The following SRPX variants were observed in gnomAD, a reference collection of about 807,000 sequenced individuals.
SRPX encodes the protein sushi repeat containing protein X-linked.
In SRPX, 24 loss-of-function variants were observed where a neutral mutation model predicts 38.1. The ratio of observed to expected loss-of-function variants is 0.63; its 90% CI spans 0.46 to 0.89. The LOEUF (loss-of-function observed/expected upper bound fraction) is 0.89. SRPX is among the 40% of genes least tolerant of loss of function. The pLI, the probability that SRPX is intolerant of heterozygous loss-of-function variation, is 0.00. For missense variants in SRPX, 416 were observed against 377.8 expected, an observed-to-expected ratio of 1.10 and a Z score of -0.84; for synonymous variants, 184 against 153.8, an observed-to-expected ratio of 1.20 and a Z score of -1.45.
chrX:38,178,213 G>T, intron 2 of SRPX, 72 bp downstream of exon 2: 1 of 863,880 alleles, frequency 1.2e-6, no homozygotes, highest in Non-Finnish European at 1.7e-6. Flanking sequence ...ATTACAATCT[G>T]TTTCACAAGG....
At chrX:38,209,898 G>GT (rs1000846936) in intron 1 of SRPX, among the ~76,000 whole-genome samples, 2 of 111,515 alleles carry the variant, frequency 1.8e-5, no homozygotes, top group African/African-American at 6.5e-5. Context: ...AAAGGTTGGG[G>GT]TTTTTTTTCT....
chrX:38,219,767 C>T (rs1014237461), intron 1 of SRPX, among the ~76,000 whole-genome samples: 1 of 111,618 alleles, frequency 9.0e-6, no homozygotes, highest in Non-Finnish European at 1.9e-5. Context: ...AATATTTGCA[C>T]GCCCTATAGC....
rs1008501503 is a variant in SRPX at position 38,185,175 on chromosome X, G to T, written c.98-6831C>A. ...TATATGATTTGGAATTGGTAAAAAT[G>T]TTGGAGAAAAAAGAGAAAAATCTGC... On this transcript the variant is annotated intron_variant, in intron 1 of 9. Transcript: ENST00000378533. 3.6e-5 allele frequency among the ~76,000 whole-genome samples: 4 copies of T among 111,878 alleles called. No homozygotes were observed. The East Asian group carries it at 1.1e-3, about 31-fold the overall frequency.
At chrX:38,157,114 G>A (rs770891304) in intron 7 of SRPX, 85 bp from the exon 8 acceptor site, 4 of 1,075,798 alleles carry the variant, frequency 3.7e-6, no homozygotes, top group Non-Finnish European at 5.0e-6. Context: ...AGAACCATTT[G>A]TGTAAGAAGT....
chrX:38,205,158 C>A (rs187192767), intron 1 of SRPX, among the ~76,000 whole-genome samples: 2 of 112,230 alleles, frequency 1.8e-5, no homozygotes, highest in Non-Finnish European at 3.8e-5. Flanking sequence ...GGCTAGTCAG[C>A]CCTCTACAAG....
chrX:38,173,352 GCTT>G (rs1938510114), intron 3 of SRPX, among the ~76,000 whole-genome samples: 1 of 112,073 alleles, frequency 8.9e-6, no homozygotes, highest in Non-Finnish European at 1.9e-5. Flanking sequence ...GCTCCTCTAA[GCTT>G]CTCCCTTGAG....
chrX:38,191,161 C>G (rs1046602984), intron 1 of SRPX, among the ~76,000 whole-genome samples: 4 of 111,829 alleles, frequency 3.6e-5, no homozygotes, highest in African/African-American at 1.3e-4. Context: ...GATGATAAGC[C>G]CATCCTTTCT....
intron 1 of SRPX, among the ~76,000 whole-genome samples, chrX:38,191,129 G>A (rs1289347664): frequency 8.9e-6 from 1 of 112,047 alleles, no homozygotes; most frequent in Non-Finnish European, 1.9e-5. Flanking sequence ...GGCCCCACAA[G>A]CATACCTCTG....
intron 1 of SRPX, among the ~76,000 whole-genome samples, chrX:38,214,052 T>C (rs1226354331): frequency 9.0e-6 from 1 of 111,708 alleles, no homozygotes; most frequent in African/African-American, 3.3e-5. Context: ...CCATTCATTC[T>C]TGCCTGCCTA....
intron 1 of SRPX, among the ~76,000 whole-genome samples, chrX:38,191,720 CAG>C (rs1227143723): frequency 8.9e-6 from 1 of 111,761 alleles, no homozygotes; most frequent in African/African-American, 3.3e-5. Context: ...TGACGACTGA[CAG>C]AGTTTTGGAG....
At chrX:38,173,929 A>T (rs941340265) in intron 3 of SRPX, among the ~76,000 whole-genome samples, 1 of 111,890 alleles carries the variant, frequency 8.9e-6, no homozygotes, top group Non-Finnish European at 1.9e-5. Context: ...AACAAATGTA[A>T]CTCATTTTCT....
chrX:38,215,702 A>C (rs6611235), intron 1 of SRPX, among the ~76,000 whole-genome samples: 42,123 of 111,117 alleles, frequency 0.38, 6,073 homozygotes, highest in East Asian at 0.48. Context: ...TACTTCAATC[A>C]ATTAATCCAC....
intron 4 of SRPX, among the ~76,000 whole-genome samples, chrX:38,168,361 G>A (rs889223343): frequency 9.0e-6 from 1 of 111,333 alleles, no homozygotes; most frequent in African/African-American, 3.3e-5. Flanking sequence ...AAGAGACTCA[G>A]CCAGACCCCA....
chrX:38,155,301 G>A (rs1420423544), intron 8 of SRPX, among the ~76,000 whole-genome samples: 2 of 112,414 alleles, frequency 1.8e-5, no homozygotes, highest in African/African-American at 6.5e-5. Flanking sequence ...ATAGACTTTT[G>A]TATTACTCTC....
intron 2 of SRPX, among the ~76,000 whole-genome samples, chrX:38,175,197 C>A (rs1938547306): frequency 8.9e-6 from 1 of 112,008 alleles, no homozygotes; most frequent in African/African-American, 3.2e-5. Flanking sequence ...GCCACTGCCC[C>A]ATTGTCCCAC....
At chrX:38,160,826 A>C (rs1938235900) in intron 6 of SRPX, 107 bp downstream of exon 6, 2 of 990,100 alleles carry the variant, frequency 2.0e-6, no homozygotes, top group Non-Finnish European at 2.7e-6. Context: ...TAAAGCTGGC[A>C]AGTCTCCCAC....
chrX:38,180,663 C>G (rs2896189), intron 1 of SRPX, among the ~76,000 whole-genome samples: 42,219 of 111,170 alleles, frequency 0.38, 6,173 homozygotes, highest in East Asian at 0.69. Flanking sequence ...CTTCCAGCTA[C>G]TCTGCCACAT....
At chrX:38,197,082 A>G (rs1420663339) in intron 1 of SRPX, among the ~76,000 whole-genome samples, 3 of 112,579 alleles carry the variant, frequency 2.7e-5, no homozygotes, top group African/African-American at 9.7e-5. Context: ...GGCACAGGGC[A>G]TCAACAATGT....
At chrX:38,216,149 C>T (rs1392665415) in intron 1 of SRPX, among the ~76,000 whole-genome samples, 1 of 111,800 alleles carries the variant, frequency 8.9e-6, no homozygotes, top group East Asian at 2.8e-4. Context: ...GCCTTTAGTG[C>T]CACCATCTCC....
Sources: gnomAD v4.1 joint callset for allele counts (sites outside exome capture counted in the v4.1 genomes callset) on GRCh38, gnomAD v4.1.1 for gene constraint, MANE v1.5 for transcripts, NCBI Gene and HGNC (gene_info 2026-07-23, HGNC 2026-07-21) for gene names.